The following REL variants were observed in gnomAD, a reference collection of about 807,000 sequenced individuals.
The protein encoded by REL is proto-oncogene c-Rel.
A neutral mutation model predicts 45.9 loss-of-function variants in REL; 15 were observed. The observed-to-expected ratio is 0.33, with a 90% confidence interval of 0.22 to 0.50. The LOEUF (loss-of-function observed/expected upper bound fraction) is 0.50. Among genes scored for constraint, REL ranks in the 20% least tolerant of loss-of-function variants. The pLI, the probability that REL is intolerant of heterozygous loss-of-function variation, is 0.98. For synonymous variants in REL, 239 were observed against 242.1 expected (o/e 0.99, Z 0.12); for missense variants, 601 against 715.2 (o/e 0.84, Z 1.82).
At chr2:60,897,946 C>T (rs1027437318) in intron 3 of REL, among the ~76,000 whole-genome samples, 1 of 151,382 alleles carries the variant, frequency 6.6e-6, no homozygotes, top group Non-Finnish European at 1.5e-5. Context: ...CCCCTCATAA[C>T]TGGTCTTCTT....
chr2:60,921,925 AC>A lies in REL; in HGVS notation c.1158del (p.Thr387ProfsTer10). 6.2e-7 allele frequency: 1 copy of A among 1,613,876 alleles called. No individual in the cohort carries two copies. Among genetic ancestry groups the A allele is most frequent in the Non-Finnish European group, 8.5e-7 (1 of 1,179,964 alleles). Reference protein sequence around the residue: ...LPSSSWSSVAHPTPRSGNTNP... With the variant: ...LPSSSWSSVAXPTPRSGNTNP... The stretch of plus-strand genomic sequence containing the variant: ...TCTTCAAGCTGGTCATCAGTGGCCC[AC>A]CCCACCCCACGCTCAGGCAATACAA... On this transcript the variant is annotated frameshift_variant, in exon 10 of 10. Coordinates refer to ENST00000394479, the MANE Select transcript of REL (RefSeq NM_001291746.2). LOFTEE classifies it high-confidence loss of function.
In REL at chr2:60,893,299, A is replaced by G. The variant is rs140649640; in HGVS notation, c.154-1098A>G. On this transcript the variant is annotated intron_variant, in intron 2 of 9. Coordinates refer to ENST00000394479, the MANE Select transcript of REL (RefSeq NM_001291746.2). ...AAAGGGAATTGCTGAATTATAGAAT[A>G]AACCAATGGCAAAATTATATATATT... Among the ~76,000 whole-genome samples, 504 of 152,344 alleles carry G rather than the reference A, an allele frequency of 3.3e-3. 5 individuals are homozygous for G. The highest frequency in any genetic ancestry group is 0.012 in the African/African-American group (483 of 41,590).
Position 60,924,986 on chromosome 2 carries a change from TATA to T in REL, c.*2452_*2454del. 4.8e-6 allele frequency: 1 copy of T among 206,612 alleles called. No homozygotes were observed. Among genetic ancestry groups the T allele is most frequent in the Non-Finnish European group, 9.9e-6 (1 of 101,112 alleles). 12.8% of individuals were successfully genotyped at this position (206,612 alleles called of 1,614,324 possible). ...CTTTCACTTTGCTTCAAAACGTAGT[TATA>T]TTTTGGAGTTTTCATTTGATATATA... On this transcript the variant is annotated 3_prime_UTR_variant, in exon 10 of 10. Transcript: ENST00000394479.
intron 1 of REL, among the ~76,000 whole-genome samples, chr2:60,887,156 G>A (rs1025714153): frequency 6.6e-6 from 1 of 152,206 alleles, no homozygotes. Context: ...ATTGTGCAAA[G>A]CACAGTACTG....
At chr2:60,911,952 C>T (rs531563330) in intron 4 of REL, among the ~76,000 whole-genome samples, 8 of 137,862 alleles carry the variant, frequency 5.8e-5, no homozygotes, top group Non-Finnish European at 9.1e-5. Context: ...GAGCTGAGAT[C>T]GTGCCACTGC....
rs964637566 is a variant in REL, at chr2:60,923,972, G to T, written c.*1437G>T. On this transcript the variant is annotated 3_prime_UTR_variant, in exon 10 of 10. Transcript: ENST00000394479. ...GCCTAGACTCCCTGTCCTACCTCAG[G>T]TACCACCATATCCCACCTCCTCATG... is the stretch of plus-strand genomic sequence containing the variant. 1 of 233,208 alleles carries T rather than the reference G, an allele frequency of 4.3e-6. No individual in the cohort carries two copies. Among genetic ancestry groups the T allele is most frequent in the Non-Finnish European group, 8.5e-6 (1 of 118,074 alleles). 14.4% of individuals were successfully genotyped at this position (233,208 alleles called of 1,614,324 possible).
intron 3 of REL, chr2:60,900,200 C>A (rs1397772822): frequency 1.3e-5 from 2 of 152,204 alleles, no homozygotes; most frequent in African/African-American, 4.8e-5. Context: ...TGTTCATATG[C>A]AATTACCTGA....
chr2:60,895,252 C>T (rs1021491748), intron 3 of REL, among the ~76,000 whole-genome samples: 1 of 151,800 alleles, frequency 6.6e-6, no homozygotes, highest in Non-Finnish European at 1.5e-5. Flanking sequence ...GGCATGATCT[C>T]GGCCCATTGC....
chr2:60,881,922 G>C (rs565028723), intron 1 of REL, 72 bp downstream of exon 1: 1 of 1,073,442 alleles, frequency 9.3e-7, no homozygotes, highest in African/African-American at 1.7e-5. Context: ...GCCGCAGTGA[G>C]TTTAGGGAGC....
chr2:60,922,716 C>A lies in REL; in HGVS notation c.*181C>A, dbSNP rs1674177849. On this transcript the variant is annotated 3_prime_UTR_variant, in exon 10 of 10. Coordinates refer to ENST00000394479, the MANE Select transcript of REL (RefSeq NM_001291746.2). ...CAGGGAAGAAGCATACAACTTTGGA[C>A]ATAGCGAATACAAAATTGGAAGCTG... 8.1e-7 allele frequency: 1 copy of A among 1,228,252 alleles called. No individual in the cohort carries two copies. Among genetic ancestry groups the A allele is most frequent in the East Asian group, 3.5e-5 (1 of 28,968 alleles). 76.1% of individuals were successfully genotyped at this position (1,228,252 alleles called of 1,614,324 possible). A position where few individuals can be genotyped will look rare whatever the true frequency, so the allele number is the denominator to read the frequency against.
intron 5 of REL, among the ~76,000 whole-genome samples, chr2:60,917,680 C>CTGTGTGTGTGTGTG (rs34038794): frequency 4.2e-5 from 6 of 142,302 alleles, no homozygotes; most frequent in African/African-American, 7.9e-5. Context: ...CCCCAAAATA[C>CTGTGTGTGTGTGTG]TGTGTGTGTG....
intron 1 of REL, among the ~76,000 whole-genome samples, chr2:60,885,368 C>A (rs961123412): frequency 6.6e-6 from 1 of 152,070 alleles, no homozygotes; most frequent in African/African-American, 2.4e-5. Context: ...ACTTTAATAC[C>A]TGTATAATCT....
rs1418757179 is a variant in REL at position 60,931,316 on chromosome 2, T to G, written c.*8781T>G. The stretch of plus-strand genomic sequence containing the variant: ...GATTTCTGTTTTAAAAGTATGTACT[T>G]AAAATACCTTTGGCTGTGATGAATG... On this transcript the variant is annotated 3_prime_UTR_variant, in exon 10 of 10. Transcript: ENST00000394479. 1.3e-5 allele frequency: 2 copies of G among 152,342 alleles called. No individual in the cohort carries two copies. The highest frequency in any genetic ancestry group is 4.8e-5 in the African/African-American group (2 of 41,454). 9.4% of individuals were successfully genotyped at this position (152,342 alleles called of 1,614,324 possible).
At chr2:60,915,190 A>G (rs1054419505) in intron 4 of REL, among the ~76,000 whole-genome samples, 1 of 152,166 alleles carries the variant, frequency 6.6e-6, no homozygotes, top group African/African-American at 2.4e-5. Flanking sequence ...CACTTTGTTT[A>G]TCCATTCACA....
In REL at chr2:60,918,610, T is replaced by A; in HGVS notation, c.853+4T>A. On this transcript the variant is annotated splice_donor_region_variant and intron_variant, in intron 7 of 9. Transcript: ENST00000394479. ...AGATATCTGCCAGATGAAAAAGGTATGACATTTTGCTGGTAATAATTTATA... is the reference window on the plus strand; with the variant it reads ...AGATATCTGCCAGATGAAAAAGGTAAGACATTTTGCTGGTAATAATTTATA... The A allele has an allele frequency of 6.3e-7, 1 of 1,594,922 alleles. No individual in the cohort carries two copies. Among genetic ancestry groups the A allele is most frequent in the Non-Finnish European group, 8.6e-7 (1 of 1,162,464 alleles).
At chr2:60,897,609 A>T (rs1040608364) in intron 3 of REL, among the ~76,000 whole-genome samples, 3 of 151,896 alleles carry the variant, frequency 2.0e-5, no homozygotes, top group South Asian at 2.1e-4. Context: ...TGCCTGGCCA[A>T]CTTGTGCTTT....
At chr2:60,909,490 G>A (rs185716601) in intron 4 of REL, among the ~76,000 whole-genome samples, 221 of 150,942 alleles carry the variant, frequency 1.5e-3, no homozygotes, top group Non-Finnish European at 2.2e-3. Context: ...CAGGGTCTCC[G>A]TATGTTGCCC....
In REL at chr2:60,913,654, A is replaced by G. The variant is rs75410687; in HGVS notation, c.395-3223A>G. 5.3e-5 allele frequency among the ~76,000 whole-genome samples: 8 copies of G among 152,256 alleles called. No individual in the cohort carries two copies. In the East Asian group the frequency reaches 1.5e-3, roughly 29 times the overall value. On this transcript the variant is annotated intron_variant, in intron 4 of 9. Transcript: ENST00000394479. ...AGAGTTCATCTCAATCTTCTTAACC[A>G]TCTCTTAGAAAATTGTCAGGCTATA...
chr2:60,916,126 T>G (rs1190913113), intron 4 of REL, among the ~76,000 whole-genome samples: 5 of 152,280 alleles, frequency 3.3e-5, no homozygotes, highest in African/African-American at 9.6e-5. Flanking sequence ...TTACAGTCAG[T>G]TCCAGGCCAG....
Sources: allele counts gnomAD v4.1 joint callset (sites outside exome capture counted in the v4.1 genomes callset), GRCh38; gene constraint gnomAD v4.1.1; transcripts MANE v1.5; gene names NCBI Gene and HGNC (gene_info 2026-07-23, HGNC 2026-07-21).